DNAJC1: variants seen among roughly 807,000 people sequenced by gnomAD.
DNAJC1 encodes DnaJ heat shock protein family (Hsp40) member C1.
Under a neutral mutation model 76.6 loss-of-function variants are expected in DNAJC1, and 58 were observed. The ratio of observed to expected loss-of-function variants is 0.76; its 90% CI spans 0.61 to 0.94. The LOEUF (loss-of-function observed/expected upper bound fraction) is 0.94. DNAJC1 is among the 40% of genes least tolerant of loss of function. The pLI is 0.00. For missense variants in DNAJC1, 689 were observed against 677.3 expected (o/e 1.02, Z -0.19); for synonymous variants, 258 against 267.9 (o/e 0.96, Z 0.36).
chr10:21,761,467 G>A (rs936712052), intron 10 of DNAJC1, among the ~76,000 whole-genome samples: 7 of 150,640 alleles, frequency 4.6e-5, no homozygotes, highest in African/African-American at 1.5e-4. Context: ...GCCGAGGCAG[G>A]AGAATCGCTT....
chr10:21,957,114 ACTC>A (rs1311023340), intron 1 of DNAJC1, among the ~76,000 whole-genome samples: 2 of 149,784 alleles, frequency 1.3e-5, no homozygotes, highest in African/African-American at 4.9e-5. Context: ...CTGGTCTTGA[ACTC>A]CTGACCTCGT....
intron 8 of DNAJC1, among the ~76,000 whole-genome samples, chr10:21,817,967 A>T (rs1380394964): frequency 6.6e-6 from 1 of 152,172 alleles, no homozygotes; most frequent in African/African-American, 2.4e-5. Context: ...TAACTGCACA[A>T]ATTGTTTGTA....
chr10:21,802,493 G>A (rs1180359290), intron 9 of DNAJC1, among the ~76,000 whole-genome samples: 1 of 152,048 alleles, frequency 6.6e-6, no homozygotes, highest in African/African-American at 2.4e-5. Flanking sequence ...AATGAATTGG[G>A]AATTTTATGA....
chr10:21,911,104 G>A (rs961257243), intron 6 of DNAJC1, among the ~76,000 whole-genome samples: 1 of 151,654 alleles, frequency 6.6e-6, no homozygotes, highest in African/African-American at 2.4e-5. Flanking sequence ...AGGCGGGAAG[G>A]CGGGCAGGCG....
chr10:21,918,377 T>G (rs1564826903), intron 6 of DNAJC1, among the ~76,000 whole-genome samples: 2 of 146,954 alleles, frequency 1.4e-5, no homozygotes, highest in Non-Finnish European at 3.0e-5. Flanking sequence ...CATGTAAAGT[T>G]TTTTTTTTTT....
chr10:21,867,560 G>A (rs896339220), intron 8 of DNAJC1, among the ~76,000 whole-genome samples: 3 of 152,128 alleles, frequency 2.0e-5, no homozygotes, highest in Admixed American at 1.3e-4. Flanking sequence ...AGTTTCACAC[G>A]ACTAGCAAAA....
At chr10:21,815,964 G>A (rs1225421477) in intron 8 of DNAJC1, among the ~76,000 whole-genome samples, 13 of 151,378 alleles carry the variant, frequency 8.6e-5, no homozygotes, top group African/African-American at 2.2e-4. Context: ...GGCTGGTCTC[G>A]AACTCCTGAC....
At chr10:21,794,867 CA>C (rs1177242627) in intron 9 of DNAJC1, among the ~76,000 whole-genome samples, 4 of 151,986 alleles carry the variant, frequency 2.6e-5, no homozygotes, top group African/African-American at 9.7e-5. Context: ...ATTCCTTCTC[CA>C]AAATGCTTGT....
At chr10:21,925,597 T>A (rs958681618) in intron 3 of DNAJC1, among the ~76,000 whole-genome samples, 3 of 152,190 alleles carry the variant, frequency 2.0e-5, no homozygotes, top group Non-Finnish European at 4.4e-5. Flanking sequence ...TGGAATACTG[T>A]TCAGCAATAG....
At position 21,791,491 on chromosome 10, in the gene DNAJC1, G is replaced by A. The variant is rs561563542; in HGVS notation, c.1098+14489C>T. 5.3e-5 allele frequency among the ~76,000 whole-genome samples: 8 copies of A among 152,146 alleles called. No individual in the cohort carries two copies. In the East Asian group the frequency reaches 7.7e-4, roughly 15 times the overall value. ...TTCTCCAGGACAGACCACATGTTAC[G>A]CCACAAAACAAGTCTCAACAAATTT... On this transcript the variant is annotated intron_variant, in intron 9 of 11. Transcript: ENST00000376980.
chr10:21,787,446 T>C (rs889373795), intron 9 of DNAJC1, among the ~76,000 whole-genome samples: 8 of 151,490 alleles, frequency 5.3e-5, no homozygotes, highest in African/African-American at 1.9e-4. Flanking sequence ...ATAGAGTTAT[T>C]TGGGGAGGTG....
chr10:21,873,191 T>C (rs1018722169), intron 8 of DNAJC1, among the ~76,000 whole-genome samples: 1 of 152,136 alleles, frequency 6.6e-6, no homozygotes, highest in Non-Finnish European at 1.5e-5. Context: ...ATTACTCCCT[T>C]GGGGAGCTCG....
chr10:21,777,668 G>A (rs1372209006), intron 9 of DNAJC1, among the ~76,000 whole-genome samples: 1 of 152,196 alleles, frequency 6.6e-6, no homozygotes, highest in African/African-American at 2.4e-5. Context: ...TTGAAATCAT[G>A]TTTTTGCTAA....
chr10:21,849,474 C>T (rs1358729310), intron 8 of DNAJC1, among the ~76,000 whole-genome samples: 1 of 151,284 alleles, frequency 6.6e-6, no homozygotes, highest in East Asian at 1.9e-4. Context: ...ATCAATGAAA[C>T]AAAATGTCAT....
chr10:21,950,308 T>C (rs1442779613), intron 1 of DNAJC1, among the ~76,000 whole-genome samples: 1 of 152,226 alleles, frequency 6.6e-6, no homozygotes, highest in Non-Finnish European at 1.5e-5. Context: ...TATAGTGACC[T>C]ATGATCAGTG....
At chr10:21,777,539 A>C (rs953007136) in intron 9 of DNAJC1, among the ~76,000 whole-genome samples, 6 of 152,198 alleles carry the variant, frequency 3.9e-5, no homozygotes, top group African/African-American at 1.4e-4. Context: ...GACATGAAAC[A>C]CCTTGCTCTC....
At chr10:21,868,911 A>T (rs952640425) in intron 8 of DNAJC1, among the ~76,000 whole-genome samples, 1 of 152,118 alleles carries the variant, frequency 6.6e-6, no homozygotes, top group African/African-American at 2.4e-5. Context: ...TAAGACTGAC[A>T]AAACAGATTC....
intron 8 of DNAJC1, among the ~76,000 whole-genome samples, chr10:21,807,963 C>T (rs1834907170): frequency 6.6e-6 from 1 of 152,110 alleles, no homozygotes; most frequent in African/African-American, 2.4e-5. Context: ...GGATTTTCAA[C>T]AAAATCATAG....
chr10:21,971,876 A>T (rs183024302), intron 1 of DNAJC1, among the ~76,000 whole-genome samples: 1 of 152,082 alleles, frequency 6.6e-6, no homozygotes, highest in African/African-American at 2.4e-5. Flanking sequence ...ACATGATTGA[A>T]TGTGTCATGT....
Sources: allele counts gnomAD v4.1 joint callset (sites outside exome capture counted in the v4.1 genomes callset), GRCh38; gene constraint gnomAD v4.1.1; transcripts MANE v1.5; gene names NCBI Gene and HGNC (gene_info 2026-07-23, HGNC 2026-07-21).